SNTG1: variants seen among roughly 807,000 people sequenced by gnomAD.
The protein encoded by SNTG1 is syntrophin gamma 1.
In SNTG1, 39 loss-of-function variants were observed where a neutral mutation model predicts 74.7. The ratio of observed to expected loss-of-function variants is 0.52; its 90% CI spans 0.40 to 0.68. The LOEUF (loss-of-function observed/expected upper bound fraction) is 0.68. Ranked by LOEUF, SNTG1 falls within the 30% of genes least tolerant of loss-of-function variation. SNTG1 has a pLI of 0.00. For missense variants in SNTG1, 685 were observed against 609.5 expected, an observed-to-expected ratio of 1.12 and a Z score of -1.30; for synonymous variants, 254 against 217.1, an observed-to-expected ratio of 1.17 and a Z score of -1.49.
At chr8:50,572,704 A>G (rs898103457) in intron 12 of SNTG1, among the ~76,000 whole-genome samples, 2 of 152,144 alleles carry the variant, frequency 1.3e-5, no homozygotes, top group African/African-American at 4.8e-5. Context: ...CTCATGGTAA[A>G]AGTAGAGTTT....
At chr8:50,573,341 T>C (rs1332027654) in intron 12 of SNTG1, among the ~76,000 whole-genome samples, 1 of 152,078 alleles carries the variant, frequency 6.6e-6, no homozygotes, top group Non-Finnish European at 1.5e-5. Flanking sequence ...CACTTCTGTT[T>C]CTTAAATTTT....
In SNTG1 at chr8:50,527,158, G is replaced by T. The variant is rs535011105; in HGVS notation, c.467-3019G>T. ...GCATATCTTCTTTTGGAAAGCTTCT[G>T]TTCAAGACTTTTCCCCATTTTTCTG... On this transcript the variant is annotated intron_variant, in intron 9 of 18. Coordinates refer to ENST00000642720, the MANE Select transcript of SNTG1 (RefSeq NM_018967.5). Among the ~76,000 whole-genome samples the T allele has an allele frequency of 6.6e-5, 10 of 151,948 alleles. No individual in the cohort carries two copies. In the East Asian group the frequency reaches 1.7e-3, roughly 26 times the overall value.
chr8:50,593,219 GA>G (rs2094703797), intron 13 of SNTG1, among the ~76,000 whole-genome samples: 1 of 152,108 alleles, frequency 6.6e-6, no homozygotes, highest in South Asian at 2.1e-4. Context: ...AAATTAAAAT[GA>G]AAGCAAAACA....
intron 12 of SNTG1, among the ~76,000 whole-genome samples, chr8:50,555,309 G>A (rs1424472547): frequency 6.6e-6 from 1 of 152,140 alleles, no homozygotes; most frequent in Non-Finnish European, 1.5e-5. Context: ...CTTGCAATCA[G>A]TTTCCATTCA....
intron 13 of SNTG1, among the ~76,000 whole-genome samples, chr8:50,604,107 C>CAGGGA (rs1364807280): frequency 4.6e-5 from 7 of 152,116 alleles, no homozygotes; most frequent in Admixed American, 3.3e-4. Flanking sequence ...TTCTAGGGGC[C>CAGGGA]AGGGACTAGA....
rs1054958545 is a variant in SNTG1, at chr8:49,953,650, C to T, written c.-103+41419C>T. Among the ~76,000 whole-genome samples, 4 of 152,310 alleles carry T rather than the reference C, an allele frequency of 2.6e-5. No individual in the cohort carries two copies. The East Asian group carries it at 7.7e-4, about 29-fold the overall frequency. On this transcript the variant is annotated intron_variant, in intron 1 of 18. Transcript: ENST00000642720. ...TGTAGAAGATATCTATTTGTTATCTCATCAGGGTATGTTCAGAATTAAGTT... is the reference window on the plus strand; with the variant it reads ...TGTAGAAGATATCTATTTGTTATCTTATCAGGGTATGTTCAGAATTAAGTT...
intron 2 of SNTG1, among the ~76,000 whole-genome samples, chr8:50,271,880 GC>G (rs1369923003): frequency 7.2e-5 from 11 of 152,170 alleles, no homozygotes; most frequent in African/African-American, 2.7e-4. Context: ...AGGAGGTGGA[GC>G]CTTTTGAAAG....
At chr8:50,574,212 T>A (rs1245255978) in intron 12 of SNTG1, among the ~76,000 whole-genome samples, 1 of 152,066 alleles carries the variant, frequency 6.6e-6, no homozygotes, top group Non-Finnish European at 1.5e-5. Context: ...TAAAATACTA[T>A]TTTTTACCAT....
chr8:50,424,978 A>G (rs1043982548), intron 4 of SNTG1, among the ~76,000 whole-genome samples: 24 of 152,222 alleles, frequency 1.6e-4, no homozygotes, highest in African/African-American at 3.9e-4. Flanking sequence ...AAACTGGAAT[A>G]TAAAAAGTGT....
chr8:50,085,325 C>G (rs1264639397), intron 1 of SNTG1, among the ~76,000 whole-genome samples: 1 of 152,184 alleles, frequency 6.6e-6, no homozygotes, highest in East Asian at 1.9e-4. Context: ...TGTCACAATT[C>G]ACAAAACTGA....
intron 2 of SNTG1, among the ~76,000 whole-genome samples, chr8:50,303,410 T>C (rs2089736955): frequency 6.6e-6 from 1 of 152,024 alleles, no homozygotes; most frequent in African/African-American, 2.4e-5. Flanking sequence ...ATAAAGGTAA[T>C]AAATATATTT....
chr8:49,923,902 GTT>G (rs1294078104), intron 1 of SNTG1, among the ~76,000 whole-genome samples: 1 of 152,136 alleles, frequency 6.6e-6, no homozygotes, highest in East Asian at 1.9e-4. Context: ...AATAAAGTAT[GTT>G]ATAAAGTGAA....
chr8:50,621,063 CTT>C (rs34101589), intron 13 of SNTG1, among the ~76,000 whole-genome samples: 26,170 of 145,282 alleles, frequency 0.18, 5,424 homozygotes, highest in African/African-American at 0.5. Flanking sequence ...AAAGAGATAA[CTT>C]TTTTTTTTTT....
At chr8:50,693,841 A>T (rs2095393111) in intron 15 of SNTG1, among the ~76,000 whole-genome samples, 1 of 152,222 alleles carries the variant, frequency 6.6e-6, no homozygotes, top group Admixed American at 6.5e-5. Context: ...AATATTAAAC[A>T]ACATGCTCCT....
chr8:49,957,416 T>G (rs779898622), intron 1 of SNTG1, among the ~76,000 whole-genome samples: 2 of 152,244 alleles, frequency 1.3e-5, no homozygotes, highest in Non-Finnish European at 2.9e-5. Flanking sequence ...TTTATGTTCC[T>G]TTACTTCATT....
At chr8:50,618,798 T>A (rs1375698274) in intron 13 of SNTG1, among the ~76,000 whole-genome samples, 1 of 152,264 alleles carries the variant, frequency 6.6e-6, no homozygotes, top group East Asian at 1.9e-4. Context: ...GGGCCCTGTA[T>A]ATATAGAGTT....
chr8:50,455,083 T>C (rs868844525), intron 8 of SNTG1, among the ~76,000 whole-genome samples: 17 of 152,150 alleles, frequency 1.1e-4, no homozygotes, highest in African/African-American at 4.1e-4. Flanking sequence ...CTTTAACATA[T>C]AACAATGGTG....
intron 4 of SNTG1, among the ~76,000 whole-genome samples, chr8:50,433,282 G>T (rs1208825460): frequency 1.3e-5 from 2 of 151,544 alleles, no homozygotes; most frequent in Admixed American, 6.6e-5. Flanking sequence ...TTTATACGTT[G>T]ACAAAAAACA....
intron 1 of SNTG1, among the ~76,000 whole-genome samples, chr8:50,067,521 T>C (rs1407930522): frequency 6.6e-6 from 1 of 152,248 alleles, no homozygotes; most frequent in African/African-American, 2.4e-5. Flanking sequence ...TTTCTCAAAC[T>C]ACCCTTCTAG....
Sources: allele counts gnomAD v4.1 joint callset (sites outside exome capture counted in the v4.1 genomes callset), GRCh38; gene constraint gnomAD v4.1.1; transcripts MANE v1.5; gene names NCBI Gene and HGNC (gene_info 2026-07-23, HGNC 2026-07-21).